Variants in AKAP10 observed in about 807,000 individuals in gnomAD.
AKAP10 encodes A-kinase anchor protein 10, mitochondrial.
Under a neutral mutation model 80.8 loss-of-function variants are expected in AKAP10, and 24 were observed. The observed-to-expected ratio is 0.30, with a 90% CI of 0.22 to 0.42. AKAP10 has a LOEUF of 0.42. AKAP10 is among the 10% of genes least tolerant of loss of function. The pLI, the probability that AKAP10 is intolerant of heterozygous loss-of-function variation, is 1.00. For missense variants in AKAP10, 661 were observed against 794.9 expected (o/e 0.83, Z 2.03); for synonymous variants, 291 against 277.7 (o/e 1.05, Z -0.48).
chr17:19,972,143 G>A (rs2043506082), intron 1 of AKAP10, among the ~76,000 whole-genome samples: 2 of 152,184 alleles, frequency 1.3e-5, no homozygotes, highest in African/African-American at 4.8e-5. Flanking sequence ...TTTAATGAAA[G>A]TGACTGTACC....
chr17:19,944,494 C>CA (rs1051200944), intron 5 of AKAP10, among the ~76,000 whole-genome samples: 391 of 146,204 alleles, frequency 2.7e-3, no homozygotes, highest in African/African-American at 8.2e-3. Flanking sequence ...TACTAAAATA[C>CA]AAAAAAAAAA....
chr17:19,942,359 T>C (rs942551806), intron 5 of AKAP10, among the ~76,000 whole-genome samples: 2 of 151,602 alleles, frequency 1.3e-5, no homozygotes, highest in Non-Finnish European at 2.9e-5. Flanking sequence ...AGTAATCAAA[T>C]AGATTAGAAT....
chr17:19,977,786 A>C lies in AKAP10; in HGVS notation c.-107T>G. The stretch of plus-strand genomic sequence containing the variant: ...CACCGCCTCCTCGGGATGCCCAGGC[A>C]GCTCCAGCCGCCATATTATCAACAA... On this transcript the variant is annotated 5_prime_UTR_variant, in exon 1 of 15. Coordinates refer to ENST00000225737, the MANE Select transcript of AKAP10 (RefSeq NM_007202.4). 3.2e-6 allele frequency: 2 copies of C among 619,886 alleles called. No homozygotes were observed. The highest frequency in any genetic ancestry group is 4.7e-6 in the Non-Finnish European group (2 of 427,616). 38.4% of individuals were successfully genotyped at this position (619,886 alleles called of 1,614,324 possible).
intron 5 of AKAP10, among the ~76,000 whole-genome samples, chr17:19,944,730 A>G (rs766518408): frequency 6.6e-6 from 1 of 152,136 alleles, no homozygotes; most frequent in Non-Finnish European, 1.5e-5. Context: ...TCACTTCCAA[A>G]CCATCAGCAA....
At chr17:19,973,791 G>A (rs147177042) in intron 1 of AKAP10, among the ~76,000 whole-genome samples, 9 of 152,348 alleles carry the variant, frequency 5.9e-5, no homozygotes, top group Non-Finnish European at 8.8e-5. Flanking sequence ...ATGGTGAGAC[G>A]TGGTAGGATT....
intron 3 of AKAP10, among the ~76,000 whole-genome samples, chr17:19,961,193 AAAAT>A (rs2043345239): frequency 1.3e-5 from 2 of 151,652 alleles, no homozygotes; most frequent in Non-Finnish European, 2.9e-5. Flanking sequence ...AAAAAAAAAA[AAAAT>A]ACAAAAATTA....
chr17:19,951,936 AAG>A (rs1268592870), intron 4 of AKAP10, among the ~76,000 whole-genome samples: 1 of 150,144 alleles, frequency 6.7e-6, no homozygotes, highest in East Asian at 1.9e-4. Context: ...AAAAGCAAAA[AAG>A]GGGAAATCAA....
At chr17:19,913,476 G>T (rs2042713385) in intron 12 of AKAP10, among the ~76,000 whole-genome samples, 1 of 152,016 alleles carries the variant, frequency 6.6e-6, no homozygotes, top group South Asian at 2.1e-4. Context: ...TTTAATAGAG[G>T]CAAGGCTTTA....
chr17:19,969,823 G>A lies in AKAP10; in HGVS notation c.89-1362C>T, dbSNP rs115923596. On this transcript the variant is annotated intron_variant, in intron 1 of 14. Coordinates refer to ENST00000225737, the MANE Select transcript of AKAP10 (RefSeq NM_007202.4). The stretch of plus-strand genomic sequence containing the variant: ...TAACATGAAAAAAATAAATAAGATC[G>A]TTGCAGGTACTGATCACTGCTGTCA... 6.8e-3 allele frequency among the ~76,000 whole-genome samples: 1,033 copies of A among 152,134 alleles called. 13 individuals carry two copies. Among genetic ancestry groups the A allele is most frequent in the African/African-American group, 0.024 (982 of 41,502 alleles).
At chr17:19,966,397 A>G (rs2043419239) in intron 2 of AKAP10, among the ~76,000 whole-genome samples, 1 of 152,162 alleles carries the variant, frequency 6.6e-6, no homozygotes, top group East Asian at 1.9e-4. Flanking sequence ...TGTAAGTTCA[A>G]TGAGGGCAGG....
intron 1 of AKAP10, among the ~76,000 whole-genome samples, chr17:19,975,745 G>A (rs953847424): frequency 6.6e-6 from 1 of 151,994 alleles, no homozygotes. Context: ...CAATCGTGAG[G>A]GCCTAGCACA....
Position 19,906,209 on chromosome 17 carries a change from T to C in AKAP10, c.*18A>G, listed in dbSNP as rs1455963092. Reference sequence around the variant, plus strand: ...TCTTATTTTTCACAAGCAGATTTCCTTTATCTCAAGTTTTGAGTCATAACT... The same window carrying C: ...TCTTATTTTTCACAAGCAGATTTCCCTTATCTCAAGTTTTGAGTCATAACT... On this transcript the variant is annotated 3_prime_UTR_variant, in exon 15 of 15. Coordinates refer to ENST00000225737, the MANE Select transcript of AKAP10 (RefSeq NM_007202.4). 8 of 1,607,318 alleles carry C rather than the reference T, an allele frequency of 5.0e-6. No individual in the cohort carries two copies. Among genetic ancestry groups the C allele is most frequent in the Non-Finnish European group, 5.1e-6 (6 of 1,176,998 alleles).
intron 1 of AKAP10, among the ~76,000 whole-genome samples, chr17:19,972,164 C>G (rs1430828086): frequency 1.3e-5 from 2 of 152,320 alleles, no homozygotes; most frequent in East Asian, 3.9e-4. Context: ...ATTCCATGCA[C>G]TCATATAGCC....
chr17:19,971,852 A>T (rs918483554), intron 1 of AKAP10, among the ~76,000 whole-genome samples: 3 of 152,232 alleles, frequency 2.0e-5, no homozygotes, highest in African/African-American at 7.2e-5. Flanking sequence ...GCATTGGCTC[A>T]CGCCTCTAAT....
At chr17:19,957,344 A>G (rs2043289320) in intron 4 of AKAP10, among the ~76,000 whole-genome samples, 1 of 151,986 alleles carries the variant, frequency 6.6e-6, no homozygotes, top group Non-Finnish European at 1.5e-5. Context: ...GATCGAGACC[A>G]TCCTGGCGAA....
At chr17:19,951,914 T>TAAA (rs759583171) in intron 4 of AKAP10, among the ~76,000 whole-genome samples, 1 of 86,040 alleles carries the variant, frequency 1.2e-5, no homozygotes, top group Non-Finnish European at 2.4e-5. Flanking sequence ...AAATAAGAAT[T>TAAA]AAAAAAAAAA....
At chr17:19,918,653 T>C (rs1001512901) in intron 12 of AKAP10, among the ~76,000 whole-genome samples, 6 of 152,180 alleles carry the variant, frequency 3.9e-5, no homozygotes, top group African/African-American at 1.4e-4. Context: ...CTTATCAAAA[T>C]TGAATTTTTC....
In AKAP10 at chr17:19,977,634, G is replaced by C; in HGVS notation, c.46C>G (p.Arg16Gly). 1 of 1,235,390 alleles carries C rather than the reference G, an allele frequency of 8.1e-7. No individual in the cohort carries two copies. Among genetic ancestry groups the C allele is most frequent in the Non-Finnish European group, 1.0e-6 (1 of 988,012 alleles). The allele number at this position is 1,235,390 out of a possible 1,614,324, so 76.5% of individuals were successfully genotyped here. A position where few individuals can be genotyped will look rare whatever the true frequency, so the allele number is the denominator to read the frequency against. Residue 16 changes from arginine (R) to glycine (G), a missense_variant, in exon 1 of 15, where the codon CGT becomes GGT. Coordinates refer to ENST00000225737, the MANE Select transcript of AKAP10 (RefSeq NM_007202.4). ...PSPRQSPRTL[R>G]PDPGPAMSFF... is the part of the protein sequence containing the mutation. ...GACATGGCGGGGCCCGGGTCGGGAC[G>C]GAGGGTGCGGGGGGACTGGCGCGGG...
At chr17:19,950,823 G>A (rs925842474) in intron 4 of AKAP10, among the ~76,000 whole-genome samples, 13 of 151,808 alleles carry the variant, frequency 8.6e-5, no homozygotes, top group African/African-American at 2.7e-4. Context: ...TGGGAAGTGA[G>A]GAGCACCTCT....
Sources: allele counts gnomAD v4.1 joint callset (sites outside exome capture counted in the v4.1 genomes callset), GRCh38; gene constraint gnomAD v4.1.1; transcripts MANE v1.5; gene names NCBI Gene and HGNC (gene_info 2026-07-23, HGNC 2026-07-21).